PBX3: variants seen among roughly 807,000 people sequenced by gnomAD.
PBX3 encodes PBX homeobox 3, also known as pre-B-cell leukemia transcription factor 3.
A neutral mutation model predicts 48.5 loss-of-function variants in PBX3; 14 were observed. The ratio of observed to expected loss-of-function variants is 0.29; its 90% CI spans 0.19 to 0.45. The LOEUF (loss-of-function observed/expected upper bound fraction) is 0.45. PBX3 is among the 20% of genes least tolerant of loss of function. The pLI is 1.00. For missense variants in PBX3, 386 were observed against 546.7 expected, an observed-to-expected ratio of 0.71 and a Z score of 2.93; for synonymous variants, 210 against 200.3, an observed-to-expected ratio of 1.05 and a Z score of -0.41.
chr9:125,838,112 A>G (rs1292141258), intron 2 of PBX3, among the ~76,000 whole-genome samples: 2 of 152,218 alleles, frequency 1.3e-5, no homozygotes, highest in African/African-American at 4.8e-5. Context: ...ACTGAAATGC[A>G]GTGGCATGAT....
intron 4 of PBX3, among the ~76,000 whole-genome samples, chr9:125,931,981 T>C (rs1229333998): frequency 1.3e-5 from 2 of 152,222 alleles, no homozygotes; most frequent in Non-Finnish European, 1.5e-5. Flanking sequence ...GTTTGAACAT[T>C]TTCAGTGTTC....
chr9:125,946,900 T>G (rs1842076521), intron 5 of PBX3, among the ~76,000 whole-genome samples: 1 of 151,976 alleles, frequency 6.6e-6, no homozygotes, highest in African/African-American at 2.4e-5. Context: ...TAAATAGGAA[T>G]CCACACTAAA....
At chr9:125,888,376 AGAC>A (rs1406101311) in intron 2 of PBX3, among the ~76,000 whole-genome samples, 1 of 152,180 alleles carries the variant, frequency 6.6e-6, no homozygotes, top group Non-Finnish European at 1.5e-5. Context: ...ATCATTTAGT[AGAC>A]AAATACGTGT....
At chr9:125,889,108 C>A (rs1326103685) in intron 2 of PBX3, among the ~76,000 whole-genome samples, 1 of 152,202 alleles carries the variant, frequency 6.6e-6, no homozygotes, top group Non-Finnish European at 1.5e-5. Flanking sequence ...TGGATAACAG[C>A]CCTATACACC....
At chr9:125,813,527 G>A (rs1037399994) in intron 2 of PBX3, among the ~76,000 whole-genome samples, 1 of 152,216 alleles carries the variant, frequency 6.6e-6, no homozygotes, top group African/African-American at 2.4e-5. Context: ...AAGACACCCA[G>A]AGGATTACAA....
intron 2 of PBX3, among the ~76,000 whole-genome samples, chr9:125,896,435 C>T (rs995880318): frequency 6.6e-6 from 1 of 152,030 alleles, no homozygotes; most frequent in African/African-American, 2.4e-5. Context: ...AAAGGGCATA[C>T]CTCTACATAA....
intron 2 of PBX3, chr9:125,748,913 T>G: frequency 6.8e-6 from 2 of 296,172 alleles, no homozygotes; most frequent in African/African-American, 2.1e-5. Context: ...AGCCGCCCTC[T>G]TCCCTCTCCT....
chr9:125,910,825 G>A (rs757822960), intron 2 of PBX3, among the ~76,000 whole-genome samples: 3 of 151,318 alleles, frequency 2.0e-5, no homozygotes, highest in African/African-American at 2.4e-5. Context: ...TTCTATTGAT[G>A]TCTACAAAAT....
intron 2 of PBX3, among the ~76,000 whole-genome samples, chr9:125,799,120 A>T (rs1409770983): frequency 1.3e-5 from 2 of 152,202 alleles, no homozygotes; most frequent in African/African-American, 2.4e-5. Flanking sequence ...ATCACCATTC[A>T]TCCTGAAGTT....
intron 5 of PBX3, among the ~76,000 whole-genome samples, chr9:125,949,905 G>A (rs1054380854): frequency 2.0e-5 from 3 of 152,192 alleles, no homozygotes; most frequent in Non-Finnish European, 4.4e-5. Flanking sequence ...CGGCTGTGTT[G>A]CCTGGGAGAT....
chr9:125,793,366 A>AAAATAT (rs59271982), intron 2 of PBX3, among the ~76,000 whole-genome samples: 1,292 of 101,884 alleles, frequency 0.013, 11 homozygotes, highest in Middle Eastern at 0.035. Flanking sequence ...GGAAAAAAAA[A>AAAATAT]ATATATATAT....
intron 2 of PBX3, among the ~76,000 whole-genome samples, chr9:125,769,335 A>T (rs1346869087): frequency 2.0e-5 from 3 of 152,200 alleles, no homozygotes; most frequent in Non-Finnish European, 4.4e-5. Flanking sequence ...CTGTGAAAAT[A>T]ATTTTAAGTT....
intron 5 of PBX3, among the ~76,000 whole-genome samples, chr9:125,951,187 T>C (rs1842187567): frequency 6.6e-6 from 1 of 152,174 alleles, no homozygotes; most frequent in Non-Finnish European, 1.5e-5. Context: ...CAGGCACAAG[T>C]GGCATTGGAA....
chr9:125,863,109 G>T (rs1260857349), intron 2 of PBX3, among the ~76,000 whole-genome samples: 1 of 151,794 alleles, frequency 6.6e-6, no homozygotes, highest in African/African-American at 2.4e-5. Flanking sequence ...TGTTGGCCAG[G>T]CTGGTCTTGA....
intron 2 of PBX3, among the ~76,000 whole-genome samples, chr9:125,859,611 T>G (rs972821035): frequency 6.6e-6 from 1 of 152,230 alleles, no homozygotes; most frequent in South Asian, 2.1e-4. Flanking sequence ...AGCTGACATT[T>G]GAATTTGGAG....
intron 5 of PBX3, among the ~76,000 whole-genome samples, chr9:125,943,352 C>CAAAAAAAAAAAAAAAAAAAAAAAAAAAA (rs60326557): frequency 1.6e-5 from 1 of 60,870 alleles, no homozygotes; most frequent in Non-Finnish European, 3.2e-5. Flanking sequence ...GAGACTGTCT[C>CAAAAAAAAAAAAAAAAAAAAAAAAAAAA]AAAAAAAAAA....
At chr9:125,943,352 C>CAAAAAAAAAAAAAAAAAAAA (rs60326557) in intron 5 of PBX3, among the ~76,000 whole-genome samples, 1 of 60,870 alleles carries the variant, frequency 1.6e-5, no homozygotes, top group African/African-American at 5.7e-5. Flanking sequence ...GAGACTGTCT[C>CAAAAAAAAAAAAAAAAAAAA]AAAAAAAAAA....
intron 2 of PBX3, among the ~76,000 whole-genome samples, chr9:125,791,730 T>C (rs1290839199): frequency 6.6e-6 from 1 of 151,940 alleles, no homozygotes; most frequent in Non-Finnish European, 1.5e-5. Context: ...GGTCAGGAGT[T>C]CGAGACTATC....
intron 2 of PBX3, among the ~76,000 whole-genome samples, chr9:125,863,496 C>T (rs1839912139): frequency 6.6e-6 from 1 of 152,182 alleles, no homozygotes; most frequent in South Asian, 2.1e-4. Context: ...AGGCGTGAGC[C>T]ACCATGTCTG....
Sources: gnomAD v4.1 joint callset for allele counts (sites outside exome capture counted in the v4.1 genomes callset) on GRCh38, gnomAD v4.1.1 for gene constraint, MANE v1.5 for transcripts, NCBI Gene and HGNC (gene_info 2026-07-23, HGNC 2026-07-21) for gene names.